Variants in ANO2 observed in about 807,000 individuals in gnomAD.
The protein encoded by ANO2 is anoctamin 2, also known as anoctamin-2.
In ANO2, 101 loss-of-function variants were observed where a neutral mutation model predicts 124.2. The observed-to-expected ratio is 0.81, with a 90% CI of 0.69 to 0.96. The LOEUF is 0.96. Ranked by LOEUF, ANO2 falls within the 40% of genes least tolerant of loss-of-function variation. ANO2 has a pLI of 0.00. For missense variants in ANO2, 1,293 were observed against 1,274.5 expected (o/e 1.01, Z -0.22); for synonymous variants, 486 against 482.5 (o/e 1.01, Z -0.09).
Position 5,897,271 on chromosome 12 carries a change from C to A in ANO2, c.534+23769G>T, listed in dbSNP as rs56031105. Among the ~76,000 whole-genome samples, 4 of 152,122 alleles carry A rather than the reference C, an allele frequency of 2.6e-5. No individual in the cohort carries two copies. The East Asian group carries it at 7.7e-4, about 29-fold the overall frequency. On this transcript the variant is annotated intron_variant, in intron 3 of 24. Transcript: ENST00000682330. ...GATAGCATCAGGGAAAATGGTGTTT[C>A]CAACAGGAAGGAATGTCCTACTGTG...
At chr12:5,793,878 C>G (rs1004199343) in intron 10 of ANO2, among the ~76,000 whole-genome samples, 1 of 152,204 alleles carries the variant, frequency 6.6e-6, no homozygotes, top group African/African-American at 2.4e-5. Flanking sequence ...ACAAGACCAA[C>G]AGCCTTCCCT....
At chr12:5,863,224 C>T (rs956941061) in intron 3 of ANO2, among the ~76,000 whole-genome samples, 5 of 152,172 alleles carry the variant, frequency 3.3e-5, no homozygotes, top group South Asian at 4.1e-4. Context: ...GAACCTCTTC[C>T]CCACTCAACC....
At chr12:5,722,489 A>G (rs1164654971) in intron 14 of ANO2, among the ~76,000 whole-genome samples, 1 of 152,268 alleles carries the variant, frequency 6.6e-6, no homozygotes, top group Non-Finnish European at 1.5e-5. Context: ...CCTGGGCGAC[A>G]GAACGAGACT....
At chr12:5,589,264 G>T (rs1484956288) in intron 20 of ANO2, among the ~76,000 whole-genome samples, 3 of 152,192 alleles carry the variant, frequency 2.0e-5, no homozygotes, top group South Asian at 2.1e-4. Context: ...TATTTCCCTG[G>T]CTTACTCGCT....
At chr12:5,778,649 G>A (rs1565662344) in intron 10 of ANO2, among the ~76,000 whole-genome samples, 1 of 152,154 alleles carries the variant, frequency 6.6e-6, no homozygotes, top group Non-Finnish European at 1.5e-5. Context: ...CTTACAATCA[G>A]CAGACTCTTA....
At chr12:5,702,358 T>C (rs1949436467) in intron 14 of ANO2, among the ~76,000 whole-genome samples, 1 of 152,098 alleles carries the variant, frequency 6.6e-6, no homozygotes, top group Admixed American at 6.5e-5. Context: ...TGATTCAACA[T>C]ATGATACCAC....
intron 10 of ANO2, among the ~76,000 whole-genome samples, chr12:5,796,234 C>A (rs1343196915): frequency 6.6e-6 from 1 of 151,436 alleles, no homozygotes; most frequent in Non-Finnish European, 1.5e-5. Context: ...CATGAACACA[C>A]TCATACCCAC....
At chr12:5,836,204 T>G (rs1387590956) in intron 4 of ANO2, among the ~76,000 whole-genome samples, 1 of 152,340 alleles carries the variant, frequency 6.6e-6, no homozygotes, top group Non-Finnish European at 1.5e-5. Context: ...TTGCTAAGGG[T>G]TGCCAGATCG....
chr12:5,810,378 T>C lies in ANO2; in HGVS notation c.893-3010A>G, dbSNP rs929113130. Among the ~76,000 whole-genome samples, 3 of 152,170 alleles carry C rather than the reference T, an allele frequency of 2.0e-5. No individual in the cohort carries two copies. In the South Asian group the frequency reaches 6.2e-4, roughly 32 times the overall value. ...TCAGTTTAAAACAAGAAGAAAATAA[T>C]CAAACGTTTTTAAAAAAGAGTCCCT... On this transcript the variant is annotated intron_variant, in intron 7 of 24. Coordinates refer to ENST00000682330, the MANE Select transcript of ANO2 (RefSeq NM_001364791.2).
intron 10 of ANO2, among the ~76,000 whole-genome samples, chr12:5,776,620 G>T (rs1284960781): frequency 6.6e-6 from 1 of 152,242 alleles, no homozygotes; most frequent in East Asian, 1.9e-4. Context: ...GACGGTACCA[G>T]TTTCTGTCAC....
At chr12:5,857,120 T>C (rs1955122055) in intron 3 of ANO2, among the ~76,000 whole-genome samples, 1 of 152,192 alleles carries the variant, frequency 6.6e-6, no homozygotes. Flanking sequence ...CATCACCGAA[T>C]GCATCCCCCA....
chr12:5,581,786 G>T (rs1377220098), intron 20 of ANO2, among the ~76,000 whole-genome samples: 4 of 152,076 alleles, frequency 2.6e-5, no homozygotes, highest in Non-Finnish European at 4.4e-5. Context: ...AGATCCTCCT[G>T]TCCCCTCCTC....
At chr12:5,796,603 C>A (rs35312831) in intron 10 of ANO2, among the ~76,000 whole-genome samples, 1 of 152,078 alleles carries the variant, frequency 6.6e-6, no homozygotes, top group Non-Finnish European at 1.5e-5. Flanking sequence ...CCCAGGTCTC[C>A]AGAGCAGAGG....
chr12:5,786,154 G>A (rs1369730574), intron 10 of ANO2, among the ~76,000 whole-genome samples: 1 of 152,076 alleles, frequency 6.6e-6, no homozygotes, highest in South Asian at 2.1e-4. Context: ...TCCAATCCCT[G>A]GTTCAACTTG....
intron 10 of ANO2, among the ~76,000 whole-genome samples, chr12:5,751,573 G>A (rs1040002274): frequency 2.6e-5 from 4 of 152,188 alleles, no homozygotes; most frequent in Non-Finnish European, 5.9e-5. Flanking sequence ...ACAAAGAGCT[G>A]TACGTGTTGA....
At chr12:5,926,106 C>A (rs138573027) in intron 1 of ANO2, among the ~76,000 whole-genome samples, 1 of 152,366 alleles carries the variant, frequency 6.6e-6, no homozygotes, top group African/African-American at 2.4e-5. Flanking sequence ...CCTGCTCCTG[C>A]AAATGCTCCA....
At chr12:5,827,919 G>T in intron 6 of ANO2, 99 bp from the exon 7 acceptor site, 1 of 1,328,476 alleles carries the variant, frequency 7.5e-7, no homozygotes, top group Non-Finnish European at 1.0e-6. Flanking sequence ...GGAGGCGCCC[G>T]GGCTCATTTG....
intron 3 of ANO2, among the ~76,000 whole-genome samples, chr12:5,863,097 C>T (rs933851845): frequency 4.6e-5 from 7 of 152,202 alleles, no homozygotes; most frequent in Admixed American, 6.5e-5. Context: ...TTCCCACCCA[C>T]GTGGAACTGT....
At position 5,904,008 on chromosome 12, in the gene ANO2, A is replaced by G. The variant is rs1008456354; in HGVS notation, c.534+17032T>C. 6.6e-6 allele frequency among the ~76,000 whole-genome samples: 1 copy of G among 152,146 alleles called. No individual in the cohort carries two copies. Among genetic ancestry groups the G allele is most frequent in the Non-Finnish European group, 1.5e-5 (1 of 68,016 alleles). ...CACACATGTACATGGGTCATCCTGC[A>G]TGACCCTGGGCAATTTCCTGCCTTC... On this transcript the variant is annotated intron_variant, in intron 3 of 24. Transcript: ENST00000682330. The surrounding 1 kb of genome is among the most constrained non-coding windows in gnomAD (Gnocchi z 4.1).
Sources: allele counts gnomAD v4.1 joint callset (sites outside exome capture counted in the v4.1 genomes callset), GRCh38; gene constraint gnomAD v4.1.1; non-coding constraint Gnocchi (gnomAD v3.1); transcripts MANE v1.5; gene names NCBI Gene and HGNC (gene_info 2026-07-23, HGNC 2026-07-21).